Variants in PIK3R6 observed in about 807,000 individuals in gnomAD.
PIK3R6 encodes the protein phosphoinositide 3-kinase regulatory subunit 6.
A neutral mutation model predicts 84.9 loss-of-function variants in PIK3R6; 91 were observed. That is an observed-to-expected ratio of 1.07 (90% CI 0.90 to 1.28). The LOEUF (loss-of-function observed/expected upper bound fraction) is 1.28. Ranked by LOEUF, PIK3R6 falls within the 50% of genes most tolerant of loss-of-function variation. The pLI is 0.00. For synonymous variants in PIK3R6, 416 were observed against 411.4 expected (o/e 1.01, Z -0.13); for missense variants, 996 against 985.1 (o/e 1.01, Z -0.15).
intron 18 of PIK3R6, among the ~76,000 whole-genome samples, chr17:8,814,520 G>T (rs2087464246): frequency 6.6e-6 from 1 of 151,874 alleles, no homozygotes; most frequent in Admixed American, 6.6e-5. Flanking sequence ...GCCCAGTCAA[G>T]AGACCATATT....
At chr17:8,849,280 C>T (rs34039315) in intron 2 of PIK3R6, among the ~76,000 whole-genome samples, 18,503 of 152,264 alleles carry the variant, frequency 0.12, 1,254 homozygotes, top group Middle Eastern at 0.18. Flanking sequence ...ATCATTAAGC[C>T]TAGACACTGG....
rs1465072618 is a variant in PIK3R6 at position 8,803,594 on chromosome 17, A to G, written c.2109-165T>C. ...GGAAGAGTCAGGACAAGAAAGAAAAACCTGGGCCTGGGGTTCACCGGGAGA... is the reference window on the plus strand; with the variant it reads ...GGAAGAGTCAGGACAAGAAAGAAAAGCCTGGGCCTGGGGTTCACCGGGAGA... On this transcript the variant is annotated intron_variant, in intron 19 of 19. Coordinates refer to ENST00000619866, the MANE Select transcript of PIK3R6 (RefSeq NM_001010855.4). The surrounding 1 kb of genome is among the most constrained non-coding windows in gnomAD (Gnocchi z 5.0). The G allele has an allele frequency of 2.4e-5, 17 of 695,690 alleles. No homozygotes were observed. The highest frequency in any genetic ancestry group is 3.9e-5 in the Non-Finnish European group (17 of 441,220). 43.1% of individuals were successfully genotyped at this position (695,690 alleles called of 1,614,324 possible). A position where few individuals can be genotyped will look rare whatever the true frequency, so the allele number is the denominator to read the frequency against.
intron 18 of PIK3R6, among the ~76,000 whole-genome samples, chr17:8,815,277 G>T (rs1339922728): frequency 6.6e-6 from 1 of 152,154 alleles, no homozygotes; most frequent in African/African-American, 2.4e-5. Flanking sequence ...GGAGGCCAAG[G>T]CAGGCGGACC....
At position 8,828,731 on chromosome 17, in the gene PIK3R6, C is replaced by CA. The variant is rs1302897709; in HGVS notation, c.1148dup (p.Met383IlefsTer42). On this transcript the variant is annotated frameshift_variant, in exon 11 of 20. Coordinates refer to ENST00000619866, the MANE Select transcript of PIK3R6 (RefSeq NM_001010855.4). LOFTEE classifies it high-confidence loss of function. Reference sequence around the variant, plus strand: ...CTGGGGGCCCGTCCCAGCTGCCAGGCATCAAGAAGTCCAGGGGCCATGCAC... The same window carrying CA: ...CTGGGGGCCCGTCCCAGCTGCCAGGCAATCAAGAAGTCCAGGGGCCATGCAC... The CA allele has an allele frequency of 1.9e-6, 3 of 1,608,410 alleles. No individual in the cohort carries two copies. The highest frequency in any genetic ancestry group is 3.4e-5 in the Admixed American group (2 of 59,434).
chr17:8,864,121 T>C lies in PIK3R6; in HGVS notation c.-92+3408A>G, dbSNP rs181942114. Among the ~76,000 whole-genome samples, 458 of 152,324 alleles carry C rather than the reference T, an allele frequency of 3.0e-3. 9 individuals are homozygous for C. Among genetic ancestry groups the C allele is most frequent in the Admixed American group, 0.026 (401 of 15,302 alleles). On this transcript the variant is annotated intron_variant, in intron 1 of 19. Transcript: ENST00000619866. ...CACCATCTTTTCAAATACGTTTGTA[T>C]AGCAAACAGCCTTGGAAGATACTGT...
At chr17:8,820,439 G>A (rs1358765357) in intron 17 of PIK3R6, among the ~76,000 whole-genome samples, 1 of 151,976 alleles carries the variant, frequency 6.6e-6, no homozygotes, top group Non-Finnish European at 1.5e-5. Flanking sequence ...AGGTAGAGAG[G>A]ACACAGTTCA....
At chr17:8,822,756 CCCAT>C (rs1204420239) in intron 15 of PIK3R6, 99 bp from the exon 16 acceptor site, 7 of 1,267,240 alleles carry the variant, frequency 5.5e-6, no homozygotes, top group Non-Finnish European at 5.5e-6. Context: ...GCTGGGTTTA[CCCAT>C]CCATCCATCT....
intron 1 of PIK3R6, 127 bp from the exon 2 acceptor site, chr17:8,850,012 GA>G (rs2088906684): frequency 2.2e-6 from 1 of 457,200 alleles, no homozygotes; most frequent in Non-Finnish European, 3.8e-6. Context: ...ATGTATTTAA[GA>G]AAACTTATGA....
At chr17:8,808,590 T>C (rs2151174594) in intron 18 of PIK3R6, among the ~76,000 whole-genome samples, 1 of 152,340 alleles carries the variant, frequency 6.6e-6, no homozygotes, top group South Asian at 2.1e-4. Flanking sequence ...ATTTTTAATA[T>C]CTTGAGTTTG....
chr17:8,829,505 C>T (rs2088125718), intron 10 of PIK3R6, among the ~76,000 whole-genome samples: 1 of 130,278 alleles, frequency 7.7e-6, no homozygotes, highest in African/African-American at 3.2e-5. Context: ...CACACTGACA[C>T]ACACTCATGC....
Position 8,850,686 on chromosome 17 carries a change from A to T in PIK3R6, c.-91-801T>A, listed in dbSNP as rs1286880921. ...GAGGAACTCCAAATAAACCTAAGAG[A>T]TTGTTTTTGGAGAGAAAACAAGCGA... is the stretch of plus-strand genomic sequence containing the variant. On this transcript the variant is annotated intron_variant, in intron 1 of 19. Coordinates refer to ENST00000619866, the MANE Select transcript of PIK3R6 (RefSeq NM_001010855.4). 2.6e-5 allele frequency among the ~76,000 whole-genome samples: 4 copies of T among 152,238 alleles called. No homozygotes were observed. In the East Asian group the frequency reaches 7.7e-4, roughly 29 times the overall value.
At chr17:8,829,937 G>T in intron 9 of PIK3R6, 145 bp from the exon 10 acceptor site, 1 of 609,506 alleles carries the variant, frequency 1.6e-6, no homozygotes, top group Non-Finnish European at 2.8e-6. Context: ...TTCCATCTCT[G>T]CCACCACCAG....
chr17:8,864,769 C>G (rs2151326438), intron 1 of PIK3R6, among the ~76,000 whole-genome samples: 1 of 152,148 alleles, frequency 6.6e-6, no homozygotes, highest in South Asian at 2.1e-4. Flanking sequence ...GATCTCTTGA[C>G]CTCGTGATCC....
chr17:8,821,302 C>A (rs1250215869), intron 17 of PIK3R6, among the ~76,000 whole-genome samples: 1 of 152,084 alleles, frequency 6.6e-6, no homozygotes, highest in Non-Finnish European at 1.5e-5. Flanking sequence ...CTTCCATTTC[C>A]TCTCCAGTAA....
At position 8,824,455 on chromosome 17, in the gene PIK3R6, C is replaced by T. The variant is rs147955732; in HGVS notation, c.1516-958G>A. ...GAGTTGATCTCATCCAACTCATATC[C>T]GATCCTCTAAGACCTCTTCTATCTC... On this transcript the variant is annotated intron_variant, in intron 13 of 19. Transcript: ENST00000619866. Among the ~76,000 whole-genome samples, 8 of 152,288 alleles carry T rather than the reference C, an allele frequency of 5.3e-5. No individual in the cohort carries two copies. In the East Asian group the frequency reaches 5.8e-4, roughly 11 times the overall value.
At chr17:8,852,236 TA>T (rs2088988481) in intron 1 of PIK3R6, among the ~76,000 whole-genome samples, 2 of 152,248 alleles carry the variant, frequency 1.3e-5, no homozygotes, top group African/African-American at 4.8e-5. Context: ...TGAATGTACT[TA>T]ATGCCATTGA....
intron 12 of PIK3R6, among the ~76,000 whole-genome samples, 173 bp downstream of exon 12, chr17:8,827,939 A>G (rs970726985): frequency 2.6e-5 from 4 of 152,124 alleles, no homozygotes; most frequent in African/African-American, 9.7e-5. Flanking sequence ...CCCCCAGAGC[A>G]CCGTCTGCAG....
intron 9 of PIK3R6, among the ~76,000 whole-genome samples, chr17:8,830,058 C>CAAGGCCTT (rs1032550362): frequency 2.0e-5 from 3 of 152,216 alleles, no homozygotes; most frequent in African/African-American, 7.2e-5. Context: ...AACCAGCTCA[C>CAAGGCCTT]AAGGCCTTTT....
chr17:8,839,756 C>T lies in PIK3R6; in HGVS notation c.14-59G>A. 2 of 1,373,040 alleles carry T rather than the reference C, an allele frequency of 1.5e-6. No homozygotes were observed. Among genetic ancestry groups the T allele is most frequent in the Middle Eastern group, 1.8e-4 (1 of 5,588 alleles). The allele number at this position is 1,373,040 out of a possible 1,614,324, so 85.1% of individuals were successfully genotyped here. A position where few individuals can be genotyped will look rare whatever the true frequency, so the allele number is the denominator to read the frequency against. On this transcript the variant is annotated intron_variant, in intron 2 of 19. Transcript: ENST00000619866. This position sits in a 1 kb window ranked among gnomAD's most constrained non-coding sequence, Gnocchi z 4.2. ...CCACTGAACCTCACCCTCGTCCCAC[C>T]TCCATTCCTTCCGAGAGTGTCTTTA...
Sources: gnomAD v4.1 joint callset for allele counts (sites outside exome capture counted in the v4.1 genomes callset) on GRCh38, gnomAD v4.1.1 for gene constraint, Gnocchi (gnomAD v3.1) non-coding constraint, MANE v1.5 for transcripts, NCBI Gene and HGNC (gene_info 2026-07-23, HGNC 2026-07-21) for gene names.